Variants in C12orf56 observed in about 807,000 individuals in gnomAD.
C12orf56 encodes uncharacterized protein C12orf56.
Under a neutral mutation model 69.9 loss-of-function variants are expected in C12orf56, and 71 were observed. The observed-to-expected ratio is 1.02, with a 90% CI of 0.84 to 1.24. The LOEUF (loss-of-function observed/expected upper bound fraction) is 1.24, where lower values mean the gene tolerates loss of function less well. Among genes scored for constraint, C12orf56 ranks in the 50% most tolerant of loss-of-function variants. The pLI, the probability that C12orf56 is intolerant of heterozygous loss-of-function variation, is 0.00. For synonymous variants in C12orf56, 276 were observed against 274.1 expected, an observed-to-expected ratio of 1.01 and a Z score of -0.07; for missense variants, 732 against 738.5, an observed-to-expected ratio of 0.99 and a Z score of 0.10.
intron 6 of C12orf56, among the ~76,000 whole-genome samples, chr12:64,296,576 G>A (rs2038366991): frequency 6.6e-6 from 1 of 152,138 alleles, no homozygotes; most frequent in Non-Finnish European, 1.5e-5. Flanking sequence ...TGGTAATTTG[G>A]ACTTATGAGT....
At chr12:64,361,933 T>C (rs1312392964) in intron 1 of C12orf56, among the ~76,000 whole-genome samples, 2 of 152,164 alleles carry the variant, frequency 1.3e-5, no homozygotes, top group African/African-American at 4.8e-5. Context: ...GGTTTCTCCA[T>C]GTTGGTCAGG....
chr12:64,276,255 G>A (rs4763146), intron 9 of C12orf56, among the ~76,000 whole-genome samples: 106,802 of 152,078 alleles, frequency 0.7, 38,716 homozygotes, highest in Non-Finnish European at 0.8. Context: ...TGCCCTCATG[G>A]AACATACAAT....
intron 3 of C12orf56, among the ~76,000 whole-genome samples, chr12:64,330,424 C>T (rs548214546): frequency 4.5e-4 from 68 of 152,282 alleles, no homozygotes; most frequent in Admixed American, 1.1e-3. Flanking sequence ...CATCTCCAGG[C>T]GCCCTATTCC....
intron 4 of C12orf56, among the ~76,000 whole-genome samples, chr12:64,316,631 T>A (rs1367813380): frequency 6.6e-6 from 1 of 151,996 alleles, no homozygotes; most frequent in Non-Finnish European, 1.5e-5. Flanking sequence ...TCAATGGTCA[T>A]AGAAAAAAAA....
At chr12:64,284,424 CA>C (rs1046169894) in intron 8 of C12orf56, among the ~76,000 whole-genome samples, 21 of 150,916 alleles carry the variant, frequency 1.4e-4, no homozygotes, top group Non-Finnish European at 2.7e-4. Flanking sequence ...CAGACTAGGA[CA>C]AAAAAAAATT....
intron 5 of C12orf56, among the ~76,000 whole-genome samples, chr12:64,307,948 C>T (rs557538804): frequency 1.3e-5 from 2 of 151,108 alleles, no homozygotes; most frequent in South Asian, 4.2e-4. Context: ...CCCAGGAGGT[C>T]GAGGCTGCAG....
chr12:64,371,281 C>G (rs1290186311), intron 1 of C12orf56, among the ~76,000 whole-genome samples: 5 of 151,820 alleles, frequency 3.3e-5, no homozygotes, highest in Non-Finnish European at 7.4e-5. Context: ...GTGGCACACA[C>G]ACGTAATCCT....
chr12:64,358,235 G>A (rs986869781), intron 1 of C12orf56, among the ~76,000 whole-genome samples: 14 of 151,976 alleles, frequency 9.2e-5, no homozygotes, highest in African/African-American at 3.4e-4. Context: ...CGAGGTGGGC[G>A]GATCACGAGG....
Position 64,294,876 on chromosome 12 carries a change from G to GA in C12orf56, c.1113+8758dup, listed in dbSNP as rs201907371. ...ATATTTTGCCACAATTTTTAAAAAT[G>GA]AAAAAAAAATCATATGAAGAAAAAA... On this transcript the variant is annotated intron_variant, in intron 6 of 12. Coordinates refer to ENST00000543942, the MANE Select transcript of C12orf56 (RefSeq NM_001170633.2). 3.9e-3 allele frequency among the ~76,000 whole-genome samples: 579 copies of GA among 148,108 alleles called. 2 individuals carry two copies. Among genetic ancestry groups the GA allele is most frequent in the Middle Eastern group, 0.031 (9 of 290 alleles).
At chr12:64,287,261 A>AGAAGAAAGAAGAAAG (rs1389739195) in intron 6 of C12orf56, among the ~76,000 whole-genome samples, 1 of 67,584 alleles carries the variant, frequency 1.5e-5, no homozygotes, top group African/African-American at 6.1e-5. Context: ...AAAAAAAAAA[A>AGAAGAAAGAAGAAAG]AAGAAGAAGA....
intron 1 of C12orf56, among the ~76,000 whole-genome samples, chr12:64,357,330 A>G (rs910747075): frequency 2.0e-5 from 3 of 152,040 alleles, no homozygotes; most frequent in African/African-American, 7.2e-5. Flanking sequence ...TTTATTGCCT[A>G]TGTATCAGTC....
rs533047838 is a variant in C12orf56 at position 64,349,695 on chromosome 12, T to C, written c.415+3199A>G. Among the ~76,000 whole-genome samples, 4 of 152,250 alleles carry C rather than the reference T, an allele frequency of 2.6e-5. No individual in the cohort carries two copies. In the South Asian group the frequency reaches 8.3e-4, roughly 32 times the overall value. On this transcript the variant is annotated intron_variant, in intron 2 of 12. Transcript: ENST00000543942. Reference sequence around the variant, plus strand: ...AGCATTCACAGTGACCTGGATGAGATTGGAGACTATTATTCTAAGTGAAGT... The same window carrying C: ...AGCATTCACAGTGACCTGGATGAGACTGGAGACTATTATTCTAAGTGAAGT...
At chr12:64,307,387 T>C (rs966015475) in intron 5 of C12orf56, among the ~76,000 whole-genome samples, 3 of 149,354 alleles carry the variant, frequency 2.0e-5, no homozygotes, top group South Asian at 2.1e-4. Context: ...TTTTTTTTTT[T>C]GAGACGGAGT....
rs1215188394 is a variant in C12orf56 at position 64,318,561 on chromosome 12, A to T, written c.894+14T>A. 1 of 1,505,430 alleles carries T rather than the reference A, an allele frequency of 6.6e-7. No homozygotes were observed. Among genetic ancestry groups the T allele is most frequent in the Non-Finnish European group, 8.9e-7 (1 of 1,128,530 alleles). 93.3% of individuals were successfully genotyped at this position (1,505,430 alleles called of 1,614,324 possible). A position where few individuals can be genotyped will look rare whatever the true frequency, so the allele number is the denominator to read the frequency against. ...TAAAAATTCAGGTTAAGGTTAACTT[A>T]GGAGGACACTTACTATAATATAATT... On this transcript the variant is annotated intron_variant, in intron 4 of 12. Transcript: ENST00000543942.
chr12:64,283,646 C>CTT (rs57539069), intron 8 of C12orf56, among the ~76,000 whole-genome samples: 7 of 138,766 alleles, frequency 5.0e-5, no homozygotes, highest in South Asian at 2.2e-4. Context: ...GCTTCTCTCT[C>CTT]TTTTTTTTTT....
At chr12:64,370,713 A>G (rs1465745827) in intron 1 of C12orf56, among the ~76,000 whole-genome samples, 1 of 152,222 alleles carries the variant, frequency 6.6e-6, no homozygotes, top group Non-Finnish European at 1.5e-5. Context: ...GAAAAAAACT[A>G]GAATAACTGA....
At chr12:64,267,316 G>A (rs1277319335) in intron 12 of C12orf56, 28 bp from the exon 13 acceptor site, 1 of 1,538,720 alleles carries the variant, frequency 6.5e-7, no homozygotes, top group Non-Finnish European at 8.9e-7. Context: ...AAACAAAATA[G>A]AGAGTTTTAA....
rs190340382 is a variant in C12orf56 at position 64,342,900 on chromosome 12, C to A, written c.415+9994G>T. 4.0e-3 allele frequency among the ~76,000 whole-genome samples: 602 copies of A among 152,348 alleles called. 5 individuals carry two copies. The highest frequency in any genetic ancestry group is 0.013 in the African/African-American group (555 of 41,574). Reference sequence around the variant, plus strand: ...CAGCATCTCTATCTGTGACTGACAGCTCAAGCACCATTGGATCTGCCAGGT... The same window carrying A: ...CAGCATCTCTATCTGTGACTGACAGATCAAGCACCATTGGATCTGCCAGGT... On this transcript the variant is annotated intron_variant, in intron 2 of 12. Transcript: ENST00000543942.
chr12:64,372,008 T>C (rs2039579136), intron 1 of C12orf56, among the ~76,000 whole-genome samples: 1 of 151,208 alleles, frequency 6.6e-6, no homozygotes, highest in African/African-American at 2.4e-5. Context: ...CTCAAACTAC[T>C]GACCTCAAGT....
Sources: gnomAD v4.1 joint callset for allele counts (sites outside exome capture counted in the v4.1 genomes callset) on GRCh38, gnomAD v4.1.1 for gene constraint, MANE v1.5 for transcripts, NCBI Gene and HGNC (gene_info 2026-07-23, HGNC 2026-07-21) for gene names.